Variants in RSF1 observed in about 807,000 individuals in gnomAD.
RSF1 encodes the protein HBV pX-associated protein 8.
In RSF1, 13 loss-of-function variants were observed where a neutral mutation model predicts 145.2. That is an observed-to-expected ratio of 0.09 (90% CI 0.06 to 0.14). RSF1 has a LOEUF of 0.14. RSF1 is among the 10% of genes least tolerant of loss of function. The probability of loss-of-function intolerance (pLI) is 1.00; values close to 1 mark genes in which losing one functional copy is unlikely to be tolerated. For synonymous variants in RSF1, 577 were observed against 592.6 expected (o/e 0.97, Z 0.38); for missense variants, 1,517 against 1,718.2 (o/e 0.88, Z 2.07).
chr11:77,826,134 A>G, the RSF1 span, among the ~76,000 whole-genome samples: 21 of 152,150 alleles, frequency 1.4e-4, 1 homozygote, highest in South Asian at 3.7e-3. Flanking sequence ...TAATCTCAGC[A>G]CTCTGAGAGG....
intron 6 of RSF1, among the ~76,000 whole-genome samples, chr11:77,698,998 A>C (rs1960348873): frequency 6.6e-6 from 1 of 152,134 alleles, no homozygotes; most frequent in Admixed American, 6.5e-5. Flanking sequence ...TTTTTATCTA[A>C]TCCTCTACTA....
chr11:77,810,621 C>T (rs948860795), intron 1 of RSF1, among the ~76,000 whole-genome samples: 1 of 152,020 alleles, frequency 6.6e-6, no homozygotes, highest in African/African-American at 2.4e-5. Flanking sequence ...AGTGCAATGG[C>T]ATAATCATGG....
intron 1 of RSF1, among the ~76,000 whole-genome samples, chr11:77,803,798 G>A (rs975082308): frequency 1.3e-5 from 2 of 151,980 alleles, no homozygotes; most frequent in African/African-American, 4.8e-5. Context: ...TGTTATGCAT[G>A]GCCAAGTGTG....
chr11:77,849,848 A>G, the RSF1 span, among the ~76,000 whole-genome samples: 5 of 152,210 alleles, frequency 3.3e-5, no homozygotes, highest in African/African-American at 1.2e-4. Context: ...TGGCTTTTGC[A>G]TTATCTCCTC....
At chr11:77,831,541 G>A in the RSF1 span, among the ~76,000 whole-genome samples, 1 of 151,990 alleles carries the variant, frequency 6.6e-6, no homozygotes, top group Non-Finnish European at 1.5e-5. Flanking sequence ...CACATGATGT[G>A]ATTATCATTC....
In RSF1 at chr11:77,700,715, T is replaced by C. The variant is rs368195691; in HGVS notation, c.2508+6A>G. On this transcript the variant is annotated splice_donor_region_variant and intron_variant, in intron 6 of 15. Coordinates refer to ENST00000308488, the MANE Select transcript of RSF1 (RefSeq NM_016578.4). ...TATTTTTAATTAAAGTTAAGACAAG[T>C]TTTACCTTGCTTACTTTAGAATTTG... The C allele has an allele frequency of 1.7e-5, 26 of 1,552,706 alleles. No homozygotes were observed. Among genetic ancestry groups the C allele is most frequent in the Non-Finnish European group, 2.2e-5 (26 of 1,157,938 alleles).
At position 77,702,434 on chromosome 11, in the gene RSF1, A is replaced by C. The variant is rs757753152; in HGVS notation, c.795T>G (p.Arg265=). 75 of 1,581,562 alleles carry C rather than the reference A, an allele frequency of 4.7e-5. No individual in the cohort carries two copies. Among genetic ancestry groups the C allele is most frequent in the Non-Finnish European group, 6.4e-5 (75 of 1,172,254 alleles). The stretch of plus-strand genomic sequence containing the variant: ...TCTCTTCTAGAACATTGGCTGTAGA[A>C]CGGTTTTCTAAATCCATAGGCTGCT... ...SEEQPMDLEN[R]STANVLEETT... is the part of the protein sequence containing the mutation. The change falls in exon 6 of 16, where the codon CGT becomes CGG. Residue 265 remains arginine (R), a synonymous_variant. Coordinates refer to ENST00000308488, the MANE Select transcript of RSF1 (RefSeq NM_016578.4).
At chr11:77,808,908 G>A (rs186454009) in intron 1 of RSF1, among the ~76,000 whole-genome samples, 1 of 152,236 alleles carries the variant, frequency 6.6e-6, no homozygotes. Context: ...AGGTGAGTGG[G>A]GAAATATGCT....
chr11:77,684,552 C>T (rs1235063119), intron 10 of RSF1, among the ~76,000 whole-genome samples: 3 of 152,102 alleles, frequency 2.0e-5, no homozygotes, highest in African/African-American at 7.2e-5. Context: ...AAACATACTC[C>T]AAAGGTAAAA....
At chr11:77,741,247 G>C (rs547171179) in intron 3 of RSF1, among the ~76,000 whole-genome samples, 2 of 152,252 alleles carry the variant, frequency 1.3e-5, no homozygotes, top group East Asian at 3.9e-4. Context: ...CATGGTATAA[G>C]ATTTTCTGTT....
At chr11:77,765,959 G>A (rs1948221215) in intron 1 of RSF1, among the ~76,000 whole-genome samples, 1 of 152,012 alleles carries the variant, frequency 6.6e-6, no homozygotes, top group Non-Finnish European at 1.5e-5. Flanking sequence ...CGTTGGCCAG[G>A]CTTGTCTGGA....
chr11:77,760,102 C>T (rs11237285), intron 2 of RSF1, among the ~76,000 whole-genome samples: 1,724 of 152,170 alleles, frequency 0.011, 16 homozygotes, highest in South Asian at 0.023. Flanking sequence ...AGTGAAAATA[C>T]GTGTTCACAG....
chr11:77,714,476 CTTCTGT>C (rs1960759259), intron 5 of RSF1, among the ~76,000 whole-genome samples: 1 of 152,158 alleles, frequency 6.6e-6, no homozygotes, highest in Admixed American at 6.5e-5. Context: ...TGAAAGATTT[CTTCTGT>C]TTCTTTCTCC....
intron 11 of RSF1, 90 bp downstream of exon 11, chr11:77,683,620 C>T: frequency 1.3e-6 from 1 of 774,446 alleles, no homozygotes; most frequent in Non-Finnish European, 2.1e-6. Context: ...CAATAATCAG[C>T]ATGATAGAAA....
chr11:77,843,748 T>C, the RSF1 span, among the ~76,000 whole-genome samples: 1 of 152,180 alleles, frequency 6.6e-6, no homozygotes, highest in East Asian at 1.9e-4. Context: ...TATTAATTCA[T>C]TTTCATTAGT....
chr11:77,697,288 C>T (rs191221602), intron 7 of RSF1, among the ~76,000 whole-genome samples: 341 of 151,932 alleles, frequency 2.2e-3, no homozygotes, highest in African/African-American at 7.8e-3. Flanking sequence ...CAATTCTACT[C>T]AGGTAGAAAC....
intron 3 of RSF1, 74 bp from the exon 4 acceptor site, chr11:77,741,010 T>C: frequency 4.5e-6 from 5 of 1,101,360 alleles, no homozygotes; most frequent in Non-Finnish European, 5.4e-6. Context: ...GATACAACCG[T>C]AGAATTGATT....
intron 1 of RSF1, among the ~76,000 whole-genome samples, chr11:77,778,888 T>C (rs1025644766): frequency 6.6e-6 from 1 of 152,228 alleles, no homozygotes; most frequent in Non-Finnish European, 1.5e-5. Context: ...ATTTTAGAAT[T>C]TTCATTTCTT....
At chr11:77,717,005 C>T (rs1960827244) in intron 5 of RSF1, among the ~76,000 whole-genome samples, 2 of 152,014 alleles carry the variant, frequency 1.3e-5, no homozygotes, top group Non-Finnish European at 1.5e-5. Context: ...CAGTGAAACC[C>T]TATCTCTACA....
Sources: gnomAD v4.1 joint callset for allele counts (sites outside exome capture counted in the v4.1 genomes callset) on GRCh38, gnomAD v4.1.1 for gene constraint, MANE v1.5 for transcripts, NCBI Gene and HGNC (gene_info 2026-07-23, HGNC 2026-07-21) for gene names.